The following SASH1 variants were observed in gnomAD, a reference collection of about 807,000 sequenced individuals.
SASH1 encodes SAM and SH3 domain containing 1.
In SASH1, 44 loss-of-function variants were observed where a neutral mutation model predicts 125.2. The observed-to-expected ratio is 0.35, with a 90% confidence interval of 0.28 to 0.45. SASH1 has a LOEUF of 0.45. Ranked by LOEUF, SASH1 falls within the 20% of genes least tolerant of loss-of-function variation. The pLI, the probability that SASH1 is intolerant of heterozygous loss-of-function variation, is 1.00. For synonymous variants in SASH1, 639 were observed against 649.1 expected (o/e 0.98, Z 0.24); for missense variants, 1,426 against 1,614.5 (o/e 0.88, Z 2.00).
At chr6:148,497,864 G>A (rs564513711) in intron 8 of SASH1, among the ~76,000 whole-genome samples, 9 of 152,322 alleles carry the variant, frequency 5.9e-5, no homozygotes, top group African/African-American at 2.2e-4. Flanking sequence ...TCTGTGAAGT[G>A]TAAGTAGTTA....
chr6:148,544,090 G>T lies in SASH1; in HGVS notation c.2620G>T (p.Ala874Ser). Residue 874 changes from alanine to serine, a missense_variant, in exon 18 of 20, where the codon GCC becomes TCC. Coordinates refer to ENST00000367467, the MANE Select transcript of SASH1 (RefSeq NM_015278.5). The surrounding 1 kb of genome is among the most constrained non-coding windows in gnomAD (Gnocchi z 6.4). ...ACCTGAAGTGCCACAGAAGACGACC[G>T]CCTCTTCCACGAAGGCCCAGCCCCT... ...IVPEVPQKTT[A>S]SSTKAQPLEQ... 6.2e-7 allele frequency: 1 copy of T among 1,614,022 alleles called. No individual in the cohort carries two copies.
chr6:148,303,782 AAAATAAATAAATAAAT>A (rs201590424), intron 1 of SASH1, among the ~76,000 whole-genome samples: 93 of 147,388 alleles, frequency 6.3e-4, no homozygotes, highest in South Asian at 1.3e-3. Flanking sequence ...CTGTCTCAAC[AAAATAAATAAATAAAT>A]AAATAAATAA....
At chr6:148,313,132 G>A (rs1250734703) in intron 1 of SASH1, among the ~76,000 whole-genome samples, 1 of 152,224 alleles carries the variant, frequency 6.6e-6, no homozygotes, top group Non-Finnish European at 1.5e-5. Context: ...TATTGTAGAA[G>A]TGGGGAACTA....
chr6:148,512,739 G>A (rs1028514729), intron 8 of SASH1: 18 of 985,098 alleles, frequency 1.8e-5, no homozygotes, highest in Non-Finnish European at 2.0e-5. Flanking sequence ...CCAGTACTTA[G>A]CTTTAATTCT....
At chr6:148,200,018 G>A in the SASH1 span, among the ~76,000 whole-genome samples, 1 of 152,108 alleles carries the variant, frequency 6.6e-6, no homozygotes, top group Non-Finnish European at 1.5e-5. Context: ...TCTCATCTGC[G>A]ACCCTTGATG....
At chr6:148,326,341 TATATATATATA>T (rs1780808385) in intron 1 of SASH1, among the ~76,000 whole-genome samples, 2 of 88,374 alleles carry the variant, frequency 2.3e-5, no homozygotes, top group African/African-American at 8.7e-5. Flanking sequence ...TATATATATA[TATATATATATA>T]TATATGCATA....
chr6:148,520,613 A>C (rs1007327358), intron 10 of SASH1, among the ~76,000 whole-genome samples: 2 of 152,056 alleles, frequency 1.3e-5, no homozygotes, highest in Non-Finnish European at 2.9e-5. Flanking sequence ...GTGCCCATTA[A>C]AATAAGCATT....
intron 10 of SASH1, among the ~76,000 whole-genome samples, chr6:148,524,238 A>ATCG (rs1194199724): frequency 7.3e-5 from 11 of 150,314 alleles, no homozygotes; most frequent in African/African-American, 2.7e-4. Context: ...AACCTAATAC[A>ATCG]TTGTACTTTT....
chr6:148,511,828 C>T (rs1780154844), intron 8 of SASH1, among the ~76,000 whole-genome samples: 1 of 151,792 alleles, frequency 6.6e-6, no homozygotes, highest in African/African-American at 2.4e-5. Context: ...TTAGTTTTTT[C>T]TATACCCCAT....
intron 8 of SASH1, among the ~76,000 whole-genome samples, chr6:148,487,938 C>CA (rs1291614959): frequency 6.7e-6 from 1 of 148,778 alleles, no homozygotes; most frequent in Non-Finnish European, 1.5e-5. Context: ...TTTTTAATTG[C>CA]AGTAAAGTAT....
intron 8 of SASH1, among the ~76,000 whole-genome samples, chr6:148,502,442 A>T (rs9403957): frequency 0.067 from 10,223 of 152,250 alleles, 937 homozygotes; most frequent in East Asian, 0.47. Context: ...ACTCTAACTT[A>T]TTTGAACAGT....
intron 1 of SASH1, 71 bp downstream of exon 1, chr6:148,343,294 C>T: frequency 1.4e-6 from 2 of 1,465,172 alleles, no homozygotes; most frequent in Non-Finnish European, 1.8e-6. Context: ...CGGGGGCTCC[C>T]TTCTCGCCCA....
In SASH1 at chr6:148,468,241, C is replaced by T. The variant is rs75002373; in HGVS notation, c.387-304C>T. Among the ~76,000 whole-genome samples, 632 of 152,330 alleles carry T rather than the reference C, an allele frequency of 4.1e-3. 4 individuals carry two copies. Among genetic ancestry groups the T allele is most frequent in the African/African-American group, 0.014 (591 of 41,570 alleles). ...AGAGACTTCCCAATGGCAGTAACTT[C>T]ACTTGTATTAGTAGTTCACAGAATG... On this transcript the variant is annotated intron_variant, in intron 4 of 19. Coordinates refer to ENST00000367467, the MANE Select transcript of SASH1 (RefSeq NM_015278.5).
At chr6:148,293,780 G>T (rs1257858281) in intron 1 of SASH1, among the ~76,000 whole-genome samples, 1 of 152,198 alleles carries the variant, frequency 6.6e-6, no homozygotes, top group Non-Finnish European at 1.5e-5. Context: ...CAGTGTTCCA[G>T]ATTCTGTCTA....
intron 6 of SASH1, among the ~76,000 whole-genome samples, chr6:148,473,838 GTACTC>G (rs1162002724): frequency 6.6e-6 from 1 of 152,070 alleles, no homozygotes; most frequent in Non-Finnish European, 1.5e-5. Flanking sequence ...CATCCACTGG[GTACTC>G]TATCTCAAAG....
chr6:148,390,066 A>AGAC, intron 1 of SASH1, 68 bp from the exon 2 acceptor site: 1 of 1,573,462 alleles, frequency 6.4e-7, no homozygotes, highest in Non-Finnish European at 8.7e-7. Flanking sequence ...GCGTAGAGGG[A>AGAC]GGTCCGATGG....
intron 1 of SASH1, 122 bp downstream of exon 1, chr6:148,343,345 C>A: frequency 2.3e-6 from 2 of 876,226 alleles, no homozygotes; most frequent in Non-Finnish European, 1.7e-6. Context: ...CCTTCTCTGG[C>A]TCTAGTTCTT....
the SASH1 span, among the ~76,000 whole-genome samples, chr6:148,238,284 C>T: frequency 6.6e-6 from 1 of 152,038 alleles, no homozygotes; most frequent in African/African-American, 2.4e-5. Flanking sequence ...AGTGCAGTGG[C>T]GCAATCTCGG....
At chr6:148,486,959 ATATAT>A (rs1210237003) in intron 7 of SASH1, among the ~76,000 whole-genome samples, 1 of 20,338 alleles carries the variant, frequency 4.9e-5, no homozygotes, top group African/African-American at 1.4e-4. Flanking sequence ...ATATATATAT[ATATAT>A]ATATATATAT....
Sources: allele counts gnomAD v4.1 joint callset (sites outside exome capture counted in the v4.1 genomes callset), GRCh38; gene constraint gnomAD v4.1.1; non-coding constraint Gnocchi (gnomAD v3.1); transcripts MANE v1.5; gene names NCBI Gene and HGNC (gene_info 2026-07-23, HGNC 2026-07-21).